Variants in RCL1 observed in about 807,000 individuals in gnomAD.
RCL1 encodes RNA 3'-terminal phosphate cyclase-like protein.
A neutral mutation model predicts 42.4 loss-of-function variants in RCL1; 24 were observed. The ratio of observed to expected loss-of-function variants is 0.57; its 90% CI spans 0.41 to 0.80. The LOEUF (loss-of-function observed/expected upper bound fraction) is 0.80, where lower values mean the gene tolerates loss of function less well. RCL1 is among the 30% of genes least tolerant of loss of function. The pLI is 0.00. For missense variants in RCL1, 578 were observed against 467.9 expected, an observed-to-expected ratio of 1.24 and a Z score of -2.17; for synonymous variants, 228 against 177.3, an observed-to-expected ratio of 1.29 and a Z score of -2.27.
At chr9:4,844,893 G>T (rs1817461264) in intron 7 of RCL1, among the ~76,000 whole-genome samples, 1 of 152,194 alleles carries the variant, frequency 6.6e-6, no homozygotes, top group Admixed American at 6.5e-5. Flanking sequence ...GAGACACAGG[G>T]CAGGTAAGTT....
At chr9:4,825,132 C>G (rs553353761) in intron 2 of RCL1, among the ~76,000 whole-genome samples, 1 of 151,624 alleles carries the variant, frequency 6.6e-6, no homozygotes, top group African/African-American at 2.4e-5. Flanking sequence ...ATCCATCCAC[C>G]TCAGCCTTCC....
chr9:4,806,631 CACAT>C (rs1372758378), intron 1 of RCL1, among the ~76,000 whole-genome samples: 16 of 137,780 alleles, frequency 1.2e-4, no homozygotes, highest in East Asian at 7.1e-4. Context: ...CACACACACA[CACAT>C]ATACTTACAT....
intron 1 of RCL1, among the ~76,000 whole-genome samples, chr9:4,798,759 C>T (rs767948381): frequency 6.6e-6 from 1 of 152,134 alleles, no homozygotes; most frequent in Admixed American, 6.5e-5. Flanking sequence ...TAACAGATAA[C>T]TTTACTACTA....
chr9:4,815,051 A>G (rs1024002931), intron 1 of RCL1, among the ~76,000 whole-genome samples: 6 of 151,864 alleles, frequency 4.0e-5, no homozygotes, highest in African/African-American at 1.5e-4. Flanking sequence ...TTCTCTTTTT[A>G]TCTTTCACTT....
intron 1 of RCL1, among the ~76,000 whole-genome samples, chr9:4,811,035 G>T (rs1006874762): frequency 6.6e-6 from 1 of 151,936 alleles, no homozygotes; most frequent in Non-Finnish European, 1.5e-5. Context: ...ACATTTCTTT[G>T]TGCTGAAAAC....
chr9:4,835,031 G>T (rs1343805209), intron 5 of RCL1, among the ~76,000 whole-genome samples: 1 of 152,222 alleles, frequency 6.6e-6, no homozygotes, highest in Non-Finnish European at 1.5e-5. Flanking sequence ...CAAGAAAGGA[G>T]GAGGGCTTCA....
intron 1 of RCL1, among the ~76,000 whole-genome samples, chr9:4,808,604 GT>G (rs1816062834): frequency 6.6e-6 from 1 of 152,146 alleles, no homozygotes; most frequent in Admixed American, 6.5e-5. Flanking sequence ...CCACTGTCTA[GT>G]AGTTTTTTAG....
chr9:4,806,969 G>A (rs1815997643), intron 1 of RCL1, among the ~76,000 whole-genome samples: 1 of 152,204 alleles, frequency 6.6e-6, no homozygotes, highest in Non-Finnish European at 1.5e-5. Context: ...GTAAGTTGTG[G>A]TAGTTTGTGT....
intron 1 of RCL1, among the ~76,000 whole-genome samples, chr9:4,812,899 C>G (rs1334232847): frequency 6.6e-6 from 1 of 151,954 alleles, no homozygotes; most frequent in African/African-American, 2.4e-5. Flanking sequence ...AAAAATGTTA[C>G]TGATTTTTGT....
intron 1 of RCL1, among the ~76,000 whole-genome samples, chr9:4,801,392 G>C (rs1208501404): frequency 2.0e-5 from 3 of 152,144 alleles, no homozygotes; most frequent in Non-Finnish European, 4.4e-5. Context: ...GGCTGGTCTT[G>C]AATTTGTGGC....
At chr9:4,803,273 G>T (rs1043836069) in intron 1 of RCL1, among the ~76,000 whole-genome samples, 4 of 152,160 alleles carry the variant, frequency 2.6e-5, no homozygotes, top group African/African-American at 9.7e-5. Context: ...TCCTTGTTTA[G>T]TGCTTTTAGA....
intron 1 of RCL1, among the ~76,000 whole-genome samples, chr9:4,795,369 C>T (rs1038360206): frequency 2.0e-5 from 3 of 152,108 alleles, no homozygotes; most frequent in East Asian, 1.9e-4. Flanking sequence ...AGGTGTGAGC[C>T]GCTGCGCCCA....
intron 3 of RCL1, among the ~76,000 whole-genome samples, chr9:4,827,591 A>AT (rs1298567386): frequency 2.6e-5 from 4 of 151,822 alleles, no homozygotes; most frequent in Non-Finnish European, 5.9e-5. Context: ...TTTTTATTTT[A>AT]TTTTTTTTCA....
intron 1 of RCL1, among the ~76,000 whole-genome samples, chr9:4,798,138 A>C (rs1284194859): frequency 6.6e-6 from 1 of 152,230 alleles, no homozygotes; most frequent in Admixed American, 6.5e-5. Context: ...TCCTGCCTGA[A>C]GGACCTGTTC....
At chr9:4,830,083 A>G (rs1035243799) in intron 3 of RCL1, among the ~76,000 whole-genome samples, 1 of 152,244 alleles carries the variant, frequency 6.6e-6, no homozygotes, top group Non-Finnish European at 1.5e-5. Context: ...GGAGAAGCCA[A>G]GCAGGAATCA....
chr9:4,810,486 A>G (rs1303212891), intron 1 of RCL1, among the ~76,000 whole-genome samples: 1 of 152,142 alleles, frequency 6.6e-6, no homozygotes, highest in African/African-American at 2.4e-5. Context: ...TATTTGTGAC[A>G]TATCTCCGTG....
intron 1 of RCL1, among the ~76,000 whole-genome samples, chr9:4,801,385 TG>T (rs749924754): frequency 6.6e-6 from 1 of 152,214 alleles, no homozygotes; most frequent in Non-Finnish European, 1.5e-5. Flanking sequence ...TTGTCCAGGC[TG>T]GTCTTGAATT....
intron 1 of RCL1, among the ~76,000 whole-genome samples, chr9:4,797,302 A>G (rs1217526454): frequency 6.6e-6 from 1 of 152,222 alleles, no homozygotes; most frequent in Non-Finnish European, 1.5e-5. Flanking sequence ...ATGTAGCTTG[A>G]ACCCACTGGG....
chr9:4,842,869 A>G (rs534649934), intron 6 of RCL1, among the ~76,000 whole-genome samples: 1 of 152,300 alleles, frequency 6.6e-6, no homozygotes, highest in Admixed American at 6.5e-5. Context: ...CTCTCGCTTT[A>G]TCAGAAAGTG....
Sources: gnomAD v4.1 joint callset for allele counts (sites outside exome capture counted in the v4.1 genomes callset) on GRCh38, gnomAD v4.1.1 for gene constraint, MANE v1.5 for transcripts, NCBI Gene and HGNC (gene_info 2026-07-23, HGNC 2026-07-21) for gene names.